Variants in VARS2 observed in about 807,000 individuals in gnomAD.
VARS2 encodes the protein valine--tRNA ligase, mitochondrial.
VARS2 carries 105 observed loss-of-function variants against 154.1 expected under a neutral mutation model. The observed-to-expected ratio is 0.68, with a 90% CI of 0.58 to 0.80. VARS2 has a LOEUF of 0.80. Ranked by LOEUF, VARS2 falls within the 30% of genes least tolerant of loss-of-function variation. VARS2 has a pLI of 0.00. For missense variants in VARS2, 1,157 were observed against 1,361.4 expected (o/e 0.85, Z 2.36); for synonymous variants, 483 against 539.5 (o/e 0.90, Z 1.45).
At position 30,926,395 on chromosome 6, in the gene VARS2, C is replaced by G; in HGVS notation, c.*185C>G. ...GTCCTTGAGATGCTCACATTACTGC[C>G]CGGCCTGCCTCCCACCTGGAAGTCT... On this transcript the variant is annotated 3_prime_UTR_variant, in exon 30 of 30. Coordinates refer to ENST00000676266, the MANE Select transcript of VARS2 (RefSeq NM_020442.6). 2 of 633,272 alleles carry G rather than the reference C, an allele frequency of 3.2e-6. No individual in the cohort carries two copies. The highest frequency in any genetic ancestry group is 5.5e-5 in the East Asian group (2 of 36,310). 39.2% of individuals were successfully genotyped at this position (633,272 alleles called of 1,614,324 possible). A position where few individuals can be genotyped will look rare whatever the true frequency, so the allele number is the denominator to read the frequency against.
intron 19 of VARS2, 37 bp downstream of exon 19, chr6:30,922,032 C>T (rs758268201): frequency 2.4e-5 from 38 of 1,612,622 alleles, no homozygotes; most frequent in Admixed American, 1.3e-4. Context: ...GAAGGGGAAA[C>T]GATAAGGAAG....
At position 30,920,137 on chromosome 6, in the gene VARS2, G is replaced by C; in HGVS notation, c.1214G>C (p.Gly405Ala). 1.3e-6 allele frequency: 2 copies of C among 1,587,326 alleles called. No homozygotes were observed. The highest frequency in any genetic ancestry group is 1.2e-5 in the South Asian group (1 of 86,624). ...CACAGTCCTGCCGATGCTGAGATGG[G>C]GGCCCGACATGGCTTGAGCCCCTTG... ...PAHSPADAEM[G>A]ARHGLSPLNV... The change falls in exon 13 of 30, where the codon GGG becomes GCG. Residue 405 changes from glycine (G) to alanine (A), a missense_variant. Transcript: ENST00000676266. This position sits in a 1 kb window ranked among gnomAD's most constrained non-coding sequence, Gnocchi z 4.6.
In VARS2 at chr6:30,916,737, T is replaced by A; in HGVS notation, c.672-141T>A. The A allele has an allele frequency of 1.3e-6, 1 of 763,924 alleles. No individual in the cohort carries two copies. Among genetic ancestry groups the A allele is most frequent in the South Asian group, 1.7e-5 (1 of 59,218 alleles). 47.3% of individuals were successfully genotyped at this position (763,924 alleles called of 1,614,324 possible). Reference sequence around the variant, plus strand: ...CCCATACTGGGTTTGTAAGTCCATTTCTATTAGCCTCTAGAGGCTAGATCA... The same window carrying A: ...CCCATACTGGGTTTGTAAGTCCATTACTATTAGCCTCTAGAGGCTAGATCA... On this transcript the variant is annotated intron_variant, in intron 7 of 29. Transcript: ENST00000676266. The surrounding 1 kb of genome is among the most constrained non-coding windows in gnomAD (Gnocchi z 4.0).
intron 25 of VARS2, 129 bp downstream of exon 25, chr6:30,923,634 G>A (rs1277922571): frequency 9.6e-6 from 13 of 1,359,956 alleles, no homozygotes; most frequent in Middle Eastern, 2.0e-4. Flanking sequence ...GAGAGGAGAC[G>A]AGGGAGTCTC....
rs1794506947 is a variant in VARS2, at chr6:30,921,440, G to C, written c.1632+135G>C. Reference sequence around the variant, plus strand: ...CTCATAGTCATGTAACCTTCTGCGCGATCAAGGCTCCCTGAAGTGGCATTT... The same window carrying C: ...CTCATAGTCATGTAACCTTCTGCGCCATCAAGGCTCCCTGAAGTGGCATTT... On this transcript the variant is annotated intron_variant, in intron 17 of 29. Transcript: ENST00000676266. The surrounding 1 kb of genome is among the most constrained non-coding windows in gnomAD (Gnocchi z 4.6). 37 of 1,417,830 alleles carry C rather than the reference G, an allele frequency of 2.6e-5. No homozygotes were observed. The South Asian group carries it at 3.8e-4, about 14-fold the overall frequency. 87.8% of individuals were successfully genotyped at this position (1,417,830 alleles called of 1,614,324 possible). A position where few individuals can be genotyped will look rare whatever the true frequency, so the allele number is the denominator to read the frequency against.
Position 30,916,494 on chromosome 6 carries a change from A to ATATG in VARS2, c.671+248_671+249insGTAT, listed in dbSNP as rs1262884329. On this transcript the variant is annotated intron_variant, in intron 7 of 29. Transcript: ENST00000676266. This position sits in a 1 kb window ranked among gnomAD's most constrained non-coding sequence, Gnocchi z 4.0. ...TGTGTGTGTATTTATATATATATAT[A>ATATG]TATTTTCTTTCTCTTTACTTACCCC... The ATATG allele has an allele frequency of 1.1e-4, 36 of 318,478 alleles. No individual in the cohort carries two copies. The highest frequency in any genetic ancestry group is 7.2e-4 in the African/African-American group (34 of 47,026). 19.7% of individuals were successfully genotyped at this position (318,478 alleles called of 1,614,324 possible). A position where few individuals can be genotyped will look rare whatever the true frequency, so the allele number is the denominator to read the frequency against.
rs1028234445 is a variant in VARS2 at position 30,925,371 on chromosome 6, A to G, written c.2771A>G (p.Lys924Arg). Residue 924 changes from lysine to arginine, a missense_variant, in exon 27 of 30, where the codon AAA becomes AGA. By Grantham distance (26) the Lys-to-Arg change is conservative (BLOSUM62 2). Transcript: ENST00000676266. Reference protein sequence around the residue: ...RALRATYQLTKARPRVLLQSS... With the variant: ...RALRATYQLTRARPRVLLQSS... ...CTCCGAGCCACGTACCAGCTCACCA[A>G]AGCCCGGCCCCGAGGTGAGGCAAGG... 6.2e-7 allele frequency: 1 copy of G among 1,610,812 alleles called. No homozygotes were observed. Among genetic ancestry groups the G allele is most frequent in the African/African-American group, 1.3e-5 (1 of 74,904 alleles).
At chr6:30,922,826 T>G in intron 22 of VARS2, 52 bp downstream of exon 22, 1 of 1,584,260 alleles carries the variant, frequency 6.3e-7, no homozygotes, top group Non-Finnish European at 8.6e-7. Context: ...ACCTCTGGCT[T>G]CCTCTGCAAC....
chr6:30,918,641 C>T, intron 10 of VARS2, 186 bp from the exon 11 acceptor site: 1 of 698,860 alleles, frequency 1.4e-6, no homozygotes. Context: ...CTCTGGTCAT[C>T]AGCTTATGGG....
chr6:30,925,679 C>T lies in VARS2; in HGVS notation c.2921C>T (p.Ala974Val). Residue 974 changes from alanine to valine, a missense_variant, in exon 28 of 30, where the codon GCT (alanine) becomes GTT (valine). Transcript: ENST00000676266. ...GCAGCTCCCTCCGGCTGGGCCCAGG[C>T]TCCACTCAGTGACACGGCTCAAGTC... ...GAAAPSGWAQ[A>V]PLSDTAQVYM... 6.2e-7 allele frequency: 1 copy of T among 1,610,988 alleles called. No individual in the cohort carries two copies. Among genetic ancestry groups the T allele is most frequent in the Non-Finnish European group, 8.5e-7 (1 of 1,179,674 alleles).
In VARS2 at chr6:30,923,448, G is replaced by C; in HGVS notation, c.2409G>C (p.Ser803=). 1.2e-6 allele frequency: 2 copies of C among 1,612,158 alleles called. No individual in the cohort carries two copies. The highest frequency in any genetic ancestry group is 1.7e-6 in the Non-Finnish European group (2 of 1,180,028). ...CERGFLTREL[S]LVTHALHHFW... ...GGGGCTTCCTCACCCGAGAGCTCTCGCTCGTCACTCATGCCCTGCACCACT... is the reference window on the plus strand; with the variant it reads ...GGGGCTTCCTCACCCGAGAGCTCTCCCTCGTCACTCATGCCCTGCACCACT... Residue 803 remains serine (S), a synonymous_variant, in exon 25 of 30, where the codon TCG becomes TCC. Transcript: ENST00000676266.
At position 30,916,520 on chromosome 6, in the gene VARS2, A is replaced by G. The variant is rs547197214; in HGVS notation, c.671+271A>G. On this transcript the variant is annotated intron_variant, in intron 7 of 29. Transcript: ENST00000676266. The surrounding 1 kb of genome is among the most constrained non-coding windows in gnomAD (Gnocchi z 4.0). The stretch of plus-strand genomic sequence containing the variant: ...TATTTTCTTTCTCTTTACTTACCCC[A>G]ATTTCTCTTGTCTAAATCTCACCTT... 1.2e-4 allele frequency: 40 copies of G among 333,906 alleles called. 2 individuals carry two copies. The South Asian group carries it at 3.8e-3, about 32-fold the overall frequency. The allele number at this position is 333,906 out of a possible 1,614,324, so 20.7% of individuals were successfully genotyped here.
Position 30,916,387 on chromosome 6 carries a change from C to A in VARS2, c.671+138C>A. ...TTCCTCAGAGATGGAAGCTCTGGAG[C>A]CTGTTAACATTTGGTGGAGTTTCTA... On this transcript the variant is annotated intron_variant, in intron 7 of 29. Coordinates refer to ENST00000676266, the MANE Select transcript of VARS2 (RefSeq NM_020442.6). This position sits in a 1 kb window ranked among gnomAD's most constrained non-coding sequence, Gnocchi z 4.0. 1 of 711,076 alleles carries A rather than the reference C, an allele frequency of 1.4e-6. No individual in the cohort carries two copies. The highest frequency in any genetic ancestry group is 2.3e-6 in the Non-Finnish European group (1 of 435,054). 44.0% of individuals were successfully genotyped at this position (711,076 alleles called of 1,614,324 possible). A position where few individuals can be genotyped will look rare whatever the true frequency, so the allele number is the denominator to read the frequency against.
At position 30,921,338 on chromosome 6, in the gene VARS2, G is replaced by A. The variant is rs1414191557; in HGVS notation, c.1632+33G>A. The A allele has an allele frequency of 6.2e-7, 1 of 1,613,226 alleles. No individual in the cohort carries two copies. ...GGAAGAAGCACCCGGAGGGCCGAGT[G>A]TGGCACAGAGCACCTAGCCCAGGAG... On this transcript the variant is annotated intron_variant, in intron 17 of 29. Coordinates refer to ENST00000676266, the MANE Select transcript of VARS2 (RefSeq NM_020442.6). This position sits in a 1 kb window ranked among gnomAD's most constrained non-coding sequence, Gnocchi z 4.6.
Position 30,915,841 on chromosome 6 carries a change from G to A in VARS2, c.480G>A (p.Val160=), listed in dbSNP as rs1794125077. 1.2e-6 allele frequency: 2 copies of A among 1,614,134 alleles called. No homozygotes were observed. Among genetic ancestry groups the A allele is most frequent in the East Asian group, 4.5e-5 (2 of 44,880 alleles). The stretch of plus-strand genomic sequence containing the variant: ...TGCACATTGGCCACGCACTCACGGT[G>A]GCCATACAGGATGCCCTCGTGCGCT... ...GSLHIGHALT[V]AIQDALVRWH... The change falls in exon 5 of 30, where the codon GTG becomes GTA. Residue 160 remains valine (V), a synonymous_variant. Coordinates refer to ENST00000676266, the MANE Select transcript of VARS2 (RefSeq NM_020442.6).
In VARS2 at chr6:30,920,859, C is replaced by G; in HGVS notation, c.1479+110C>G. The stretch of plus-strand genomic sequence containing the variant: ...CCTCCTGCCCTGAAGACCTCTCCAG[C>G]TGTGGTAACTGAGAGGATGTGTGGG... On this transcript the variant is annotated intron_variant, in intron 15 of 29. Transcript: ENST00000676266. The surrounding 1 kb of genome is among the most constrained non-coding windows in gnomAD (Gnocchi z 4.6). The G allele has an allele frequency of 9.0e-7, 1 of 1,117,234 alleles. No individual in the cohort carries two copies. Among genetic ancestry groups the G allele is most frequent in the South Asian group, 1.6e-5 (1 of 62,108 alleles). 69.2% of individuals were successfully genotyped at this position (1,117,234 alleles called of 1,614,324 possible).
In VARS2 at chr6:30,923,250, G is replaced by T; in HGVS notation, c.2313+19G>T. 6.2e-7 allele frequency: 1 copy of T among 1,613,064 alleles called. No homozygotes were observed. The highest frequency in any genetic ancestry group is 8.5e-7 in the Non-Finnish European group (1 of 1,179,994). On this transcript the variant is annotated intron_variant, in intron 24 of 29. Coordinates refer to ENST00000676266, the MANE Select transcript of VARS2 (RefSeq NM_020442.6). ...TGAGGAGGTAAGAGAAAACAGAGGT[G>T]CTTGGGAGTAGGGTAGTCAGGTGTC...
chr6:30,922,852 G>A (rs766861502), intron 22 of VARS2, 46 bp from the exon 23 acceptor site: 2 of 1,580,506 alleles, frequency 1.3e-6, no homozygotes, highest in South Asian at 2.3e-5. Flanking sequence ...TCCTGGCCCT[G>A]CAGCCACAAA....
intron 1 of VARS2, 149 bp downstream of exon 1, chr6:30,914,493 G>C: frequency 9.0e-6 from 12 of 1,327,440 alleles, no homozygotes; most frequent in South Asian, 8.9e-5. Flanking sequence ...CGGCCCTGGC[G>C]GGACTCCTTG....
Sources: gnomAD v4.1 joint callset for allele counts on GRCh38, gnomAD v4.1.1 for gene constraint, Gnocchi (gnomAD v3.1) non-coding constraint, MANE v1.5 for transcripts, NCBI Gene and HGNC (gene_info 2026-07-23, HGNC 2026-07-21) for gene names.